Variants in ADI1 observed in about 807,000 individuals in gnomAD.
ADI1 encodes the protein acireductone dioxygenase 1, also known as acireductone dioxygenase.
In ADI1, 21 loss-of-function variants were observed where a neutral mutation model predicts 18.7. That is an observed-to-expected ratio of 1.13 (90% confidence interval 0.80 to 1.62). ADI1 has a LOEUF of 1.62. Among genes scored for constraint, ADI1 ranks in the 40% most tolerant of loss-of-function variants. The pLI, the probability that ADI1 is intolerant of heterozygous loss-of-function variation, is 0.00. For missense variants in ADI1, 245 were observed against 254.9 expected (o/e 0.96, Z 0.26); for synonymous variants, 90 against 100.1 (o/e 0.90, Z 0.60).
At chr2:3,516,443 C>T (rs1667411556) in intron 1 of ADI1, 1 of 145,044 alleles carries the variant, frequency 6.9e-6, no homozygotes, top group Non-Finnish European at 1.5e-5. Context: ...GACTGCGCTA[C>T]CAGCCTGGGT....
At chr2:3,500,498 G>GGGGACAACCCTAGAGAT in intron 3 of ADI1, 1 of 491,142 alleles carries the variant, frequency 2.0e-6, no homozygotes, top group Non-Finnish European at 3.7e-6. Flanking sequence ...CAAGGGCTGG[G>GGGGACAACCCTAGAGAT]GCAGGGCCAG....
At chr2:3,510,143 CAAA>C (rs757457209) in intron 2 of ADI1, among the ~76,000 whole-genome samples, 5 of 66,596 alleles carry the variant, frequency 7.5e-5, no homozygotes, top group Admixed American at 1.7e-4. Context: ...AACTCTGTCT[CAAA>C]AAAAAAAAAA....
intron 2 of ADI1, among the ~76,000 whole-genome samples, chr2:3,510,092 G>A (rs1240150246): frequency 2.7e-5 from 4 of 150,162 alleles, no homozygotes; most frequent in South Asian, 2.1e-4. Flanking sequence ...GCGGAGAGCC[G>A]AGATTGTGCC....
intron 1 of ADI1, among the ~76,000 whole-genome samples, chr2:3,514,330 T>C (rs1007176486): frequency 8.5e-5 from 13 of 152,206 alleles, no homozygotes; most frequent in African/African-American, 2.7e-4. Flanking sequence ...ATCCCACTCA[T>C]GAGTCTCATT....
intron 2 of ADI1, among the ~76,000 whole-genome samples, chr2:3,508,290 G>A (rs1229684428): frequency 3.8e-5 from 5 of 131,240 alleles, no homozygotes; most frequent in Non-Finnish European, 6.2e-5. Context: ...AGCCAAGATC[G>A]TGCCACTGCA....
rs1285952440 is a variant in ADI1 at position 3,499,013 on chromosome 2, G to A, written c.490C>T (p.His164Tyr). ...VWTAYNRPAD[H>Y]FEARGQYVKF... ...ACGTACTGCCCGCGGGCTTCAAAAT[G>A]GTCAGCGGGCCGGTTGTACGCTGTC... The change falls in exon 4 of 4, where the codon CAT becomes TAT. Residue 164 changes from histidine to tyrosine, a missense_variant. Coordinates refer to ENST00000327435, the MANE Select transcript of ADI1 (RefSeq NM_018269.4). 1 of 1,614,036 alleles carries A rather than the reference G, an allele frequency of 6.2e-7. No homozygotes were observed. The highest frequency in any genetic ancestry group is 8.5e-7 in the Non-Finnish European group (1 of 1,179,916).
At chr2:3,506,745 T>C (rs1667184542) in intron 2 of ADI1, among the ~76,000 whole-genome samples, 2 of 152,170 alleles carry the variant, frequency 1.3e-5, no homozygotes, top group Admixed American at 6.5e-5. Context: ...CAACACAATA[T>C]TGAAGAAGAA....
rs1666889314 is a variant in ADI1, at chr2:3,497,442, G to C, written c.*1521C>G. On this transcript the variant is annotated 3_prime_UTR_variant, in exon 4 of 4. Coordinates refer to ENST00000327435, the MANE Select transcript of ADI1 (RefSeq NM_018269.4). ...AGATGTGAGCAACATCCTGGGAAAA[G>C]AAAATGTGATTTCACCTTAAGTGCT... The C allele has an allele frequency of 6.6e-6, 1 of 152,222 alleles. No individual in the cohort carries two copies. The highest frequency in any genetic ancestry group is 2.4e-5 in the African/African-American group (1 of 41,458). The allele number at this position is 152,222 out of a possible 1,614,324, so 9.4% of individuals were successfully genotyped here.
At chr2:3,500,484 C>T in intron 3 of ADI1, 2 of 468,544 alleles carry the variant, frequency 4.3e-6, no homozygotes, top group Non-Finnish European at 3.9e-6. Context: ...GCCTCACCGC[C>T]AAGCAAGGGC....
intron 2 of ADI1, among the ~76,000 whole-genome samples, chr2:3,511,741 G>A (rs568844732): frequency 6.6e-6 from 1 of 152,326 alleles, no homozygotes; most frequent in Admixed American, 6.5e-5. Context: ...GAGACAGGAA[G>A]ATGAGGGAAA....
intron 2 of ADI1, among the ~76,000 whole-genome samples, chr2:3,502,700 TCA>T (rs1002566666): frequency 2.4e-4 from 36 of 152,172 alleles, no homozygotes; most frequent in African/African-American, 8.0e-4. Flanking sequence ...TCTGCCCACC[TCA>T]GTCTCCCAAA....
At chr2:3,514,047 A>T in intron 1 of ADI1, 71 bp from the exon 2 acceptor site, 1 of 1,502,208 alleles carries the variant, frequency 6.7e-7, no homozygotes, top group Non-Finnish European at 8.9e-7. Flanking sequence ...CTCTTTCTGG[A>T]TCTCCAATAT....
intron 2 of ADI1, among the ~76,000 whole-genome samples, chr2:3,509,000 G>A (rs1199666023): frequency 2.6e-5 from 3 of 113,622 alleles, no homozygotes; most frequent in Non-Finnish European, 3.4e-5. Flanking sequence ...AGGAAAGAAG[G>A]AAGGAAGGGA....
At chr2:3,516,775 G>C (rs376144828) in intron 1 of ADI1, 83 of 985,278 alleles carry the variant, frequency 8.4e-5, no homozygotes, top group African/African-American at 5.2e-4. Context: ...TATGACAAAA[G>C]GTTTTTTAGA....
chr2:3,503,356 C>A (rs1049414427), intron 2 of ADI1, among the ~76,000 whole-genome samples: 2 of 131,230 alleles, frequency 1.5e-5, no homozygotes, highest in Non-Finnish European at 1.5e-5. Context: ...CTCACACGCA[C>A]ATTCACACAC....
chr2:3,508,362 A>C (rs1246739311), intron 2 of ADI1, among the ~76,000 whole-genome samples: 3 of 145,136 alleles, frequency 2.1e-5, no homozygotes, highest in Non-Finnish European at 4.5e-5. Flanking sequence ...AAAAAAAAAC[A>C]ATAACAAAGA....
At chr2:3,504,591 C>T (rs141182496) in intron 2 of ADI1, among the ~76,000 whole-genome samples, 17 of 152,304 alleles carry the variant, frequency 1.1e-4, no homozygotes, top group African/African-American at 2.6e-4. Context: ...GGAACTCACA[C>T]GACAGATCTA....
chr2:3,514,992 T>G (rs1667368553), intron 1 of ADI1: 2 of 1,090,424 alleles, frequency 1.8e-6, no homozygotes, highest in East Asian at 2.8e-5. Context: ...AAGCTGAGGA[T>G]GTATGTCACC....
At chr2:3,511,569 TAC>T (rs1330291959) in intron 2 of ADI1, among the ~76,000 whole-genome samples, 3 of 152,216 alleles carry the variant, frequency 2.0e-5, no homozygotes, top group Non-Finnish European at 2.9e-5. Flanking sequence ...TCTTATAAAT[TAC>T]ACAGTCTCAG....
Sources: gnomAD v4.1 joint callset for allele counts (sites outside exome capture counted in the v4.1 genomes callset) on GRCh38, gnomAD v4.1.1 for gene constraint, MANE v1.5 for transcripts, NCBI Gene and HGNC (gene_info 2026-07-23, HGNC 2026-07-21) for gene names.